The following EHD3 variants were observed in gnomAD, a reference collection of about 807,000 sequenced individuals.
EHD3 encodes the protein EH domain containing 3.
In EHD3, 17 loss-of-function variants were observed where a neutral mutation model predicts 43.0. The observed-to-expected ratio is 0.40, with a 90% CI of 0.27 to 0.59. The LOEUF is 0.59. Among genes scored for constraint, EHD3 ranks in the 20% least tolerant of loss-of-function variants. The probability of loss-of-function intolerance (pLI) is 0.49; values close to 1 mark genes in which losing one functional copy is unlikely to be tolerated. For synonymous variants in EHD3, 313 were observed against 289.5 expected, an observed-to-expected ratio of 1.08 and a Z score of -0.82; for missense variants, 594 against 705.6, an observed-to-expected ratio of 0.84 and a Z score of 1.79.
chr2:31,234,566 C>A lies in EHD3; in HGVS notation c.-56C>A. 2 of 1,590,984 alleles carry A rather than the reference C, an allele frequency of 1.3e-6. No homozygotes were observed. The highest frequency in any genetic ancestry group is 1.7e-6 in the Non-Finnish European group (2 of 1,165,710). ...GCGGACCGGTCCTACGGGACATCTT[C>A]CCCTGAGGAGGAGTCTTCCCCTGGG... On this transcript the variant is annotated 5_prime_UTR_variant, in exon 1 of 6. Transcript: ENST00000322054.
intron 3 of EHD3, among the ~76,000 whole-genome samples, chr2:31,253,677 C>T (rs894815653): frequency 3.2e-4 from 48 of 152,178 alleles, no homozygotes; most frequent in Admixed American, 2.8e-3. Context: ...TGGACTAGGG[C>T]GGCAAAGGGT....
chr2:31,266,451 T>A lies in EHD3; in HGVS notation c.1355T>A (p.Phe452Tyr). Residue 452 changes from phenylalanine to tyrosine, a missense_variant, in exon 6 of 6, where the codon TTC (phenylalanine) becomes TAC (tyrosine). By Grantham distance (22) the Phe-to-Tyr change is conservative. This residue lies in a region of EHD3 where 322 missense variants were observed against 348.0 expected (regional missense o/e 0.93). Transcript: ENST00000322054. This position sits in a 1 kb window ranked among gnomAD's most constrained non-coding sequence, Gnocchi z 5.1. ...ARDKPMYDEI[F>Y]YTLSPVDGKI... ...GACAAGCCCATGTACGACGAGATCT[T>A]CTACACCCTGTCACCGGTGGATGGC... 1 of 1,614,030 alleles carries A rather than the reference T, an allele frequency of 6.2e-7. No individual in the cohort carries two copies. Among genetic ancestry groups the A allele is most frequent in the Non-Finnish European group, 8.5e-7 (1 of 1,179,996 alleles).
intron 4 of EHD3, 114 bp downstream of exon 4, chr2:31,261,036 C>A: frequency 2.5e-6 from 3 of 1,216,232 alleles, no homozygotes; most frequent in Non-Finnish European, 2.3e-6. Flanking sequence ...TGTGTGACAC[C>A]AAGGGGCAGG....
chr2:31,234,561 A>G lies in EHD3; in HGVS notation c.-61A>G. The G allele has an allele frequency of 6.3e-7, 1 of 1,582,370 alleles. No homozygotes were observed. ...GCCCGGCGGACCGGTCCTACGGGAC[A>G]TCTTCCCCTGAGGAGGAGTCTTCCC... On this transcript the variant is annotated 5_prime_UTR_variant, in exon 1 of 6. Transcript: ENST00000322054.
At chr2:31,246,034 C>T (rs756006441) in intron 2 of EHD3, among the ~76,000 whole-genome samples, 14 of 152,018 alleles carry the variant, frequency 9.2e-5, no homozygotes, top group Non-Finnish European at 1.6e-4. Context: ...GAGTAGGGAG[C>T]AGAGGAAGGG....
rs371557511 is a variant in EHD3, at chr2:31,234,615, G to A, written c.-7G>A. On this transcript the variant is annotated 5_prime_UTR_variant, in exon 1 of 6. Transcript: ENST00000322054. ...GGGCTGCGTGCCGGGGGCGAGCGGC[G>A]GCCGCGATGTTCAGCTGGCTGGGTA... 6.7e-5 allele frequency: 108 copies of A among 1,613,198 alleles called. No homozygotes were observed. In the Middle Eastern group the frequency reaches 2.0e-3, roughly 30 times the overall value.
Position 31,266,753 on chromosome 2 carries a change from G to A in EHD3, c.*49G>A. 6.6e-7 allele frequency: 1 copy of A among 1,510,574 alleles called. No individual in the cohort carries two copies. Among genetic ancestry groups the A allele is most frequent in the Non-Finnish European group, 8.9e-7 (1 of 1,122,298 alleles). The allele number at this position is 1,510,574 out of a possible 1,614,324, so 93.6% of individuals were successfully genotyped here. ...GGCAGTGTTAGAGGAGGAGATGGGA[G>A]CGGTGACTACACACACACACACACA... is the stretch of plus-strand genomic sequence containing the variant. On this transcript the variant is annotated 3_prime_UTR_variant, in exon 6 of 6. Transcript: ENST00000322054. The surrounding 1 kb of genome is among the most constrained non-coding windows in gnomAD (Gnocchi z 5.1).
rs976435471 is a variant in EHD3, at chr2:31,260,405, A to G, written c.503-105A>G. The G allele has an allele frequency of 6.0e-6, 7 of 1,169,424 alleles. No homozygotes were observed. The African/African-American group carries it at 1.1e-4, about 18-fold the overall frequency. The allele number at this position is 1,169,424 out of a possible 1,614,324, so 72.4% of individuals were successfully genotyped here. On this transcript the variant is annotated intron_variant, in intron 3 of 5. Transcript: ENST00000322054. The surrounding 1 kb of genome is among the most constrained non-coding windows in gnomAD (Gnocchi z 4.6). ...TGGAGGAGCCAGGATTTAAACTTAG[A>G]TCTGACTCCCAAGACTGTGTTATTT...
intron 1 of EHD3, among the ~76,000 whole-genome samples, chr2:31,239,725 C>A (rs77722663): frequency 2.0e-4 from 30 of 152,320 alleles, no homozygotes; most frequent in African/African-American, 7.0e-4. Flanking sequence ...TAGTAATAAC[C>A]GCCTCACAGC....
At chr2:31,254,390 C>T (rs1204492564) in intron 3 of EHD3, among the ~76,000 whole-genome samples, 1 of 152,194 alleles carries the variant, frequency 6.6e-6, no homozygotes, top group Admixed American at 6.5e-5. Flanking sequence ...TCCCAGACTA[C>T]GTGCCGGTAC....
At chr2:31,251,985 C>G (rs1683643902) in intron 3 of EHD3, among the ~76,000 whole-genome samples, 1 of 152,180 alleles carries the variant, frequency 6.6e-6, no homozygotes, top group African/African-American at 2.4e-5. Context: ...GAAAGCCACC[C>G]CTTCCCAGTG....
rs200175272 is a variant in EHD3 at position 31,235,449 on chromosome 2, C to CT, written c.227+610dup. Among the ~76,000 whole-genome samples, 14 of 151,366 alleles carry CT rather than the reference C, an allele frequency of 9.2e-5. No homozygotes were observed. In the South Asian group the frequency reaches 1.0e-3, roughly 11 times the overall value. ...AGAAGCTGAGTCCAGAAGCAGAATGCTTTTTTTTTCCCCTTTCTCTTATTT... is the reference window on the plus strand; with the variant it reads ...AGAAGCTGAGTCCAGAAGCAGAATGCTTTTTTTTTTCCCCTTTCTCTTATTT... On this transcript the variant is annotated intron_variant, in intron 1 of 5. Transcript: ENST00000322054.
At chr2:31,234,955 G>A (rs1236276078) in intron 1 of EHD3, 107 bp downstream of exon 1, 4 of 1,026,850 alleles carry the variant, frequency 3.9e-6, no homozygotes, top group Non-Finnish European at 5.8e-6. Flanking sequence ...GAAGCCTTCA[G>A]TTGAGGGCTC....
At chr2:31,264,504 A>G (rs1307329779) in intron 5 of EHD3, among the ~76,000 whole-genome samples, 1 of 149,804 alleles carries the variant, frequency 6.7e-6, no homozygotes, top group African/African-American at 2.5e-5. Context: ...TCTTTCTTCA[A>G]TAATAAATTA....
chr2:31,245,929 G>T (rs574514624), intron 2 of EHD3, among the ~76,000 whole-genome samples: 1 of 151,846 alleles, frequency 6.6e-6, no homozygotes, highest in Non-Finnish European at 1.5e-5. Context: ...GACCTTTCTT[G>T]TAGTGGCATG....
rs1683830586 is a variant in EHD3, at chr2:31,260,513, A to T, written c.506A>T (p.Tyr169Phe). ...CTGATTGTCCCTCTGCCGGCAGGGT[A>T]TGACTTTGCAGCTGTCCTTGAGTGG... is the stretch of plus-strand genomic sequence containing the variant. ...SGEKQRISRG[Y>F]DFAAVLEWFA... The change falls in exon 4 of 6, where the codon TAT becomes TTT. Residue 169 changes from tyrosine (Y) to phenylalanine (F), a missense_variant. Coordinates refer to ENST00000322054, the MANE Select transcript of EHD3 (RefSeq NM_014600.3). The surrounding 1 kb of genome is among the most constrained non-coding windows in gnomAD (Gnocchi z 4.6). 1 of 1,597,882 alleles carries T rather than the reference A, an allele frequency of 6.3e-7. No homozygotes were observed. Among genetic ancestry groups the T allele is most frequent in the Non-Finnish European group, 8.6e-7 (1 of 1,169,138 alleles).
intron 2 of EHD3, among the ~76,000 whole-genome samples, chr2:31,247,902 G>A (rs1290366088): frequency 1.3e-5 from 2 of 152,230 alleles, no homozygotes; most frequent in Non-Finnish European, 2.9e-5. Flanking sequence ...CATCACCAGA[G>A]AAGAATGATG....
chr2:31,266,404 T>A lies in EHD3; in HGVS notation c.1308T>A (p.Asp436Glu), dbSNP rs77019647. ...YGEGAGEGID[D>E]AEWVVARDKP... is the part of the protein sequence containing the mutation. ...AGGGGGCTGGAGAAGGTATCGATGA[T>A]GCTGAGTGGGTGGTGGCCAGGGACA... Residue 436 changes from aspartate (D) to glutamate (E), a missense_variant, in exon 6 of 6, where the codon GAT (aspartate) becomes GAA (glutamate). Coordinates refer to ENST00000322054, the MANE Select transcript of EHD3 (RefSeq NM_014600.3). This position sits in a 1 kb window ranked among gnomAD's most constrained non-coding sequence, Gnocchi z 5.1. The A allele has an allele frequency of 5.0e-5, 81 of 1,614,024 alleles. No individual in the cohort carries two copies. In the African/African-American group the frequency reaches 1.0e-3, roughly 20 times the overall value.
chr2:31,255,317 C>T (rs924003174), intron 3 of EHD3, among the ~76,000 whole-genome samples: 4 of 152,152 alleles, frequency 2.6e-5, no homozygotes, highest in African/African-American at 4.8e-5. Context: ...TCAGAGCCAT[C>T]GCTGGGACCA....
Sources: gnomAD v4.1 joint callset for allele counts (sites outside exome capture counted in the v4.1 genomes callset) on GRCh38, gnomAD v4.1.1 for gene constraint, gnomAD v4.1.1 regional missense constraint, Gnocchi (gnomAD v3.1) non-coding constraint, MANE v1.5 for transcripts, NCBI Gene and HGNC (gene_info 2026-07-23, HGNC 2026-07-21) for gene names.